The following AFAP1 variants were observed in gnomAD, a reference collection of about 807,000 sequenced individuals.
The protein encoded by AFAP1 is actin filament associated protein 1.
A neutral mutation model predicts 93.9 loss-of-function variants in AFAP1; 75 were observed. That is an observed-to-expected ratio of 0.80 (90% CI 0.66 to 0.97). The LOEUF (loss-of-function observed/expected upper bound fraction) is 0.97. AFAP1 is among the 50% of genes least tolerant of loss of function. The pLI, the probability that AFAP1 is intolerant of heterozygous loss-of-function variation, is 0.00. For missense variants in AFAP1, 1,201 were observed against 1,050.8 expected (o/e 1.14, Z -1.98); for synonymous variants, 517 against 430.7 (o/e 1.20, Z -2.48).
chr4:7,843,684 A>T (rs1713340411), intron 4 of AFAP1: 2 of 261,012 alleles, frequency 7.7e-6, no homozygotes, highest in Non-Finnish European at 1.5e-5. Flanking sequence ...CATTCTGCAG[A>T]GTGTTCCGCC....
intron 3 of AFAP1, among the ~76,000 whole-genome samples, chr4:7,861,150 AG>A (rs1482622458): frequency 1.3e-5 from 2 of 152,358 alleles, no homozygotes; most frequent in African/African-American, 2.4e-5. Flanking sequence ...TTCTGGTAAG[AG>A]GGATTAAAAT....
intron 10 of AFAP1, among the ~76,000 whole-genome samples, chr4:7,796,667 C>T (rs556463994): frequency 6.6e-6 from 1 of 150,788 alleles, no homozygotes; most frequent in South Asian, 2.1e-4. Flanking sequence ...AGGAGAATGG[C>T]GTGAACCCGG....
At chr4:7,913,589 A>AAT (rs1009162630) in intron 1 of AFAP1, among the ~76,000 whole-genome samples, 85 of 152,294 alleles carry the variant, frequency 5.6e-4, no homozygotes, top group African/African-American at 1.9e-3. Context: ...TAAGTATCAC[A>AAT]ATGCCTGGAC....
chr4:7,837,442 AT>A (rs1213589764), intron 6 of AFAP1, among the ~76,000 whole-genome samples: 6 of 152,210 alleles, frequency 3.9e-5, no homozygotes, highest in African/African-American at 1.2e-4. Context: ...GGAAGATGCC[AT>A]CTGTGAACCA....
intron 6 of AFAP1, among the ~76,000 whole-genome samples, chr4:7,819,678 G>A (rs1286799918): frequency 6.6e-6 from 1 of 152,170 alleles, no homozygotes; most frequent in Non-Finnish European, 1.5e-5. Flanking sequence ...GGAATAACCC[G>A]GAGTGCAAAC....
Position 7,938,325 on chromosome 4 carries a change from T to C in AFAP1, c.-3+1331A>G, listed in dbSNP as rs562069535. On this transcript the variant is annotated intron_variant, in intron 1 of 17. Coordinates refer to ENST00000420658, the MANE Select transcript of AFAP1 (RefSeq NM_001134647.2). ...TGTTCAGAAAGAACTTCAGGTTGGG[T>C]ATTTGGACTCCTTGAGCCTTCTGCT... 8.5e-5 allele frequency among the ~76,000 whole-genome samples: 13 copies of C among 152,280 alleles called. No homozygotes were observed. The South Asian group carries it at 2.5e-3, about 29-fold the overall frequency.
At chr4:7,827,924 A>G (rs1000885855) in intron 6 of AFAP1, among the ~76,000 whole-genome samples, 1 of 152,164 alleles carries the variant, frequency 6.6e-6, no homozygotes, top group Non-Finnish European at 1.5e-5. Flanking sequence ...TCGCTGTATA[A>G]AAAAAGGTTT....
At chr4:7,785,582 T>C (rs913459014) in intron 12 of AFAP1, among the ~76,000 whole-genome samples, 4 of 152,210 alleles carry the variant, frequency 2.6e-5, no homozygotes, top group African/African-American at 9.6e-5. Context: ...GTTATCCAAG[T>C]ATTACTCTAA....
intron 1 of AFAP1, among the ~76,000 whole-genome samples, chr4:7,903,212 T>G (rs1719214736): frequency 6.6e-6 from 1 of 152,200 alleles, no homozygotes; most frequent in Admixed American, 6.5e-5. Context: ...ATTGACTAAC[T>G]ATCTAGGTGC....
At chr4:7,845,243 C>T (rs115035139) in intron 4 of AFAP1, among the ~76,000 whole-genome samples, 188 of 151,922 alleles carry the variant, frequency 1.2e-3, no homozygotes, top group African/African-American at 4.1e-3. Flanking sequence ...GGCAACATAG[C>T]GAGACCCTAT....
intron 1 of AFAP1, among the ~76,000 whole-genome samples, chr4:7,899,146 C>A (rs2149215448): frequency 6.6e-6 from 1 of 152,024 alleles, no homozygotes; most frequent in East Asian, 1.9e-4. Context: ...TTTTAATAGA[C>A]AGATGCATTG....
intron 9 of AFAP1, among the ~76,000 whole-genome samples, chr4:7,802,450 G>A (rs1719130667): frequency 6.6e-6 from 1 of 152,124 alleles, no homozygotes; most frequent in African/African-American, 2.4e-5. Context: ...TCTTGAAGGA[G>A]GACGTTAACT....
intron 8 of AFAP1, among the ~76,000 whole-genome samples, chr4:7,811,443 A>G (rs885262): frequency 0.42 from 64,388 of 151,628 alleles, 14,248 homozygotes; most frequent in African/African-American, 0.53. Flanking sequence ...ACACACTCAC[A>G]CGCAGTCCCC....
chr4:7,817,968 T>C (rs1212489964), intron 7 of AFAP1, among the ~76,000 whole-genome samples: 1 of 152,166 alleles, frequency 6.6e-6, no homozygotes, highest in Non-Finnish European at 1.5e-5. Flanking sequence ...TGAGCAGAGA[T>C]TAGTTTTGTA....
chr4:7,877,879 G>A (rs537658035), intron 1 of AFAP1, among the ~76,000 whole-genome samples: 29 of 152,214 alleles, frequency 1.9e-4, no homozygotes, highest in African/African-American at 6.0e-4. Flanking sequence ...ACAATTCTTC[G>A]TTGAGCTGCC....
At chr4:7,923,046 G>A (rs943368133) in intron 1 of AFAP1, among the ~76,000 whole-genome samples, 12 of 152,102 alleles carry the variant, frequency 7.9e-5, no homozygotes, top group Non-Finnish European at 1.5e-4. Flanking sequence ...TAGACATAAA[G>A]CAGAAAATCA....
chr4:7,913,638 T>A (rs1277976978), intron 1 of AFAP1, among the ~76,000 whole-genome samples: 3 of 152,200 alleles, frequency 2.0e-5, no homozygotes, highest in African/African-American at 7.2e-5. Flanking sequence ...AATGAGCATG[T>A]ATGCCTATTA....
chr4:7,850,753 G>A (rs1052492294), intron 4 of AFAP1, among the ~76,000 whole-genome samples: 3 of 152,218 alleles, frequency 2.0e-5, no homozygotes. Context: ...AGGCTCTCCC[G>A]CTTCGGTGTT....
At chr4:7,888,998 G>GC (rs1718285837) in intron 1 of AFAP1, among the ~76,000 whole-genome samples, 1 of 151,888 alleles carries the variant, frequency 6.6e-6, no homozygotes, top group African/African-American at 2.4e-5. Context: ...CACCATGTTG[G>GC]CCAGACTGGT....
Sources: allele counts gnomAD v4.1 joint callset (sites outside exome capture counted in the v4.1 genomes callset), GRCh38; gene constraint gnomAD v4.1.1; transcripts MANE v1.5; gene names NCBI Gene and HGNC (gene_info 2026-07-23, HGNC 2026-07-21).